Variants in SNAP91 observed in about 807,000 individuals in gnomAD.
SNAP91 encodes the protein synaptosome associated protein 91.
In SNAP91, 27 loss-of-function variants were observed where a neutral mutation model predicts 100.3. The ratio of observed to expected loss-of-function variants is 0.27; its 90% CI spans 0.20 to 0.37. SNAP91 has a LOEUF of 0.37. Among genes scored for constraint, SNAP91 ranks in the 10% least tolerant of loss-of-function variants. SNAP91 has a pLI of 1.00. For missense variants in SNAP91, 986 were observed against 1,123.7 expected, an observed-to-expected ratio of 0.88 and a Z score of 1.75; for synonymous variants, 404 against 398.6, an observed-to-expected ratio of 1.01 and a Z score of -0.16.
chr6:83,600,344 C>A (rs1479928661), intron 16 of SNAP91, among the ~76,000 whole-genome samples: 1 of 152,102 alleles, frequency 6.6e-6, no homozygotes, highest in Non-Finnish European at 1.5e-5. Context: ...TTGATTACAC[C>A]AAAGCCTGCC....
chr6:83,589,359 C>T (rs917304683), intron 22 of SNAP91, among the ~76,000 whole-genome samples: 1 of 152,126 alleles, frequency 6.6e-6, no homozygotes, highest in Non-Finnish European at 1.5e-5. Flanking sequence ...TCCAAATATT[C>T]CATGATGTTC....
At position 83,553,052 on chromosome 6, in the gene SNAP91, T is replaced by C. The variant is rs573386763; in HGVS notation, c.*1244A>G. The C allele has an allele frequency of 6.5e-6, 1 of 152,716 alleles. No individual in the cohort carries two copies. The highest frequency in any genetic ancestry group is 1.9e-4 in the East Asian group (1 of 5,188). The allele number at this position is 152,716 out of a possible 1,614,324, so 9.5% of individuals were successfully genotyped here. ...AAATTCAGATACAACCACTTTTAAATGGTACCATACATCTATTAAATAATT... is the reference window on the plus strand; with the variant it reads ...AAATTCAGATACAACCACTTTTAAACGGTACCATACATCTATTAAATAATT... On this transcript the variant is annotated 3_prime_UTR_variant, in exon 30 of 30. Coordinates refer to ENST00000369694, the MANE Select transcript of SNAP91 (RefSeq NM_001242792.2).
intron 2 of SNAP91, among the ~76,000 whole-genome samples, chr6:83,676,666 A>G (rs1434407369): frequency 6.6e-6 from 1 of 152,192 alleles, no homozygotes; most frequent in African/African-American, 2.4e-5. Context: ...AAGGGACTTG[A>G]TATTTCATTC....
At chr6:83,681,527 T>C (rs1371428215) in intron 2 of SNAP91, among the ~76,000 whole-genome samples, 1 of 152,104 alleles carries the variant, frequency 6.6e-6, no homozygotes, top group African/African-American at 2.4e-5. Context: ...CCACAGAAGA[T>C]TCATCTATAG....
At chr6:83,570,699 T>C (rs1236839653) in intron 26 of SNAP91, among the ~76,000 whole-genome samples, 1 of 152,184 alleles carries the variant, frequency 6.6e-6, no homozygotes, top group Non-Finnish European at 1.5e-5. Flanking sequence ...CAGAGGGTGG[T>C]AGTCCCAAAC....
intron 7 of SNAP91, among the ~76,000 whole-genome samples, chr6:83,641,656 ATTCT>A (rs1182559488): frequency 2.0e-5 from 3 of 152,212 alleles, no homozygotes; most frequent in Non-Finnish European, 4.4e-5. Flanking sequence ...GAATTAAAGA[ATTCT>A]TTAAGTTTTC....
At position 83,593,458 on chromosome 6, in the gene SNAP91, C is replaced by T; in HGVS notation, c.1696+20G>A. ...AATCCACTAGACGGAAAGAGGTCGA[C>T]AACAATAACAAAAAATTACCACCAA... On this transcript the variant is annotated intron_variant, in intron 18 of 29. Coordinates refer to ENST00000369694, the MANE Select transcript of SNAP91 (RefSeq NM_001242792.2). 1 of 1,548,194 alleles carries T rather than the reference C, an allele frequency of 6.5e-7. No individual in the cohort carries two copies. Among genetic ancestry groups the T allele is most frequent in the Non-Finnish European group, 8.7e-7 (1 of 1,144,186 alleles).
At chr6:83,566,919 A>G (rs1189018772) in intron 26 of SNAP91, among the ~76,000 whole-genome samples, 1 of 152,142 alleles carries the variant, frequency 6.6e-6, no homozygotes, top group Admixed American at 6.5e-5. Flanking sequence ...GCTGTGCTGG[A>G]GCTCTCTGAA....
chr6:83,665,538 C>T lies in SNAP91; in HGVS notation c.174G>A (p.Gln58=). Residue 58 remains glutamine (Q), a synonymous_variant, in exon 3 of 30, where the codon CAG becomes CAA. Transcript: ENST00000369694. ...CCCGCTCAAAGAGAGTGTCGGCCAT[C>T]TGAGGAATATTAACATTGGTCTCGT... ...ATNETNVNIP[Q]MADTLFERAT... is the part of the protein sequence containing the mutation. 1 of 1,612,614 alleles carries T rather than the reference C, an allele frequency of 6.2e-7. No homozygotes were observed. Among genetic ancestry groups the T allele is most frequent in the Middle Eastern group, 1.7e-4 (1 of 6,058 alleles).
intron 8 of SNAP91, among the ~76,000 whole-genome samples, chr6:83,625,361 T>C (rs558717930): frequency 6.6e-6 from 1 of 152,242 alleles, no homozygotes; most frequent in South Asian, 2.1e-4. Context: ...TGAGTGCCTG[T>C]GTCTTTTTGG....
chr6:83,597,919 C>T (rs2094663519), intron 16 of SNAP91, among the ~76,000 whole-genome samples: 1 of 152,142 alleles, frequency 6.6e-6, no homozygotes, highest in South Asian at 2.1e-4. Flanking sequence ...AGTTTTTTGA[C>T]CAACATGTAC....
chr6:83,669,617 G>A (rs1450867718), intron 2 of SNAP91, among the ~76,000 whole-genome samples: 1 of 152,002 alleles, frequency 6.6e-6, no homozygotes, highest in East Asian at 1.9e-4. Flanking sequence ...ACCTCCAAAA[G>A]TTTCCCCATA....
intron 2 of SNAP91, among the ~76,000 whole-genome samples, chr6:83,696,108 A>G (rs1562716476): frequency 6.6e-6 from 1 of 152,184 alleles, no homozygotes; most frequent in African/African-American, 2.4e-5. Context: ...GTTAAAATAC[A>G]TAATGAAGAG....
intron 2 of SNAP91, among the ~76,000 whole-genome samples, chr6:83,684,513 G>A (rs548658773): frequency 6.6e-5 from 10 of 152,006 alleles, no homozygotes; most frequent in African/African-American, 1.2e-4. Context: ...TACCTTCTTT[G>A]CAAGCTTCCT....
At chr6:83,674,954 T>C (rs915830863) in intron 2 of SNAP91, among the ~76,000 whole-genome samples, 1 of 152,140 alleles carries the variant, frequency 6.6e-6, no homozygotes, top group Non-Finnish European at 1.5e-5. Context: ...TTGGGTGAAC[T>C]GTGTAAGTCT....
intron 2 of SNAP91, among the ~76,000 whole-genome samples, chr6:83,674,907 A>G (rs2098839432): frequency 6.6e-6 from 1 of 152,198 alleles, no homozygotes; most frequent in South Asian, 2.1e-4. Context: ...TGGACATTTC[A>G]TGCACTTCCC....
intron 16 of SNAP91, among the ~76,000 whole-genome samples, chr6:83,595,094 T>C (rs2094308974): frequency 6.6e-6 from 1 of 152,064 alleles, no homozygotes; most frequent in Non-Finnish European, 1.5e-5. Flanking sequence ...CCAATAATTT[T>C]ACTAAGGTTT....
At chr6:83,575,943 C>A in intron 25 of SNAP91, 80 bp downstream of exon 25, 1 of 722,082 alleles carries the variant, frequency 1.4e-6, no homozygotes, top group Non-Finnish European at 2.3e-6. Context: ...ATAATTACTC[C>A]AATGAGTAAA....
intron 25 of SNAP91, 146 bp downstream of exon 25, chr6:83,575,877 G>T (rs1817891983): frequency 3.4e-6 from 2 of 581,850 alleles, no homozygotes; most frequent in South Asian, 4.3e-5. Flanking sequence ...ACAAAAATCT[G>T]GGATGAAATA....
Sources: gnomAD v4.1 joint callset for allele counts (sites outside exome capture counted in the v4.1 genomes callset) on GRCh38, gnomAD v4.1.1 for gene constraint, MANE v1.5 for transcripts, NCBI Gene and HGNC (gene_info 2026-07-23, HGNC 2026-07-21) for gene names.